ANKRD30A: variants seen among roughly 807,000 people sequenced by gnomAD.
ANKRD30A encodes ankyrin repeat domain-containing protein 30A.
A neutral mutation model predicts 166.3 loss-of-function variants in ANKRD30A; 170 were observed. The ratio of observed to expected loss-of-function variants is 1.02; its 90% CI spans 0.90 to 1.16. ANKRD30A has a LOEUF of 1.16. Ranked by LOEUF, ANKRD30A falls within the 50% of genes most tolerant of loss-of-function variation. The pLI is 0.00. For missense variants in ANKRD30A, 1,630 were observed against 1,518.0 expected (o/e 1.07, Z -1.23); for synonymous variants, 564 against 508.9 (o/e 1.11, Z -1.46).
At chr10:37,148,192 C>A (rs551499944) in intron 9 of ANKRD30A, among the ~76,000 whole-genome samples, 2 of 152,144 alleles carry the variant, frequency 1.3e-5, no homozygotes, top group East Asian at 1.9e-4. Context: ...GTACTTGGAG[C>A]TCATTCTGAG....
chr10:37,158,488 A>G (rs372098693), intron 14 of ANKRD30A, 26 bp from the exon 15 acceptor site: 1 of 1,613,242 alleles, frequency 6.2e-7, no homozygotes. Flanking sequence ...TTGTATATTA[A>G]TTGTTTTGTT....
At chr10:37,206,001 A>G (rs2132707539) in intron 31 of ANKRD30A, among the ~76,000 whole-genome samples, 1 of 152,310 alleles carries the variant, frequency 6.6e-6, no homozygotes, top group South Asian at 2.1e-4. Context: ...ATATCTGAGT[A>G]TGTTTTTAGC....
intron 24 of ANKRD30A, among the ~76,000 whole-genome samples, chr10:37,183,106 C>T (rs1231246922): frequency 6.7e-6 from 1 of 149,230 alleles, no homozygotes; most frequent in South Asian, 2.2e-4. Flanking sequence ...GCTGATATCA[C>T]AGAGCTTTTA....
intron 31 of ANKRD30A, among the ~76,000 whole-genome samples, chr10:37,208,426 G>T (rs1487312525): frequency 6.6e-6 from 1 of 152,090 alleles, no homozygotes; most frequent in African/African-American, 2.4e-5. Flanking sequence ...GTAAAACAAA[G>T]ACAAAGCATA....
At chr10:37,190,523 A>G (rs1840463249) in intron 25 of ANKRD30A, among the ~76,000 whole-genome samples, 1 of 151,848 alleles carries the variant, frequency 6.6e-6, no homozygotes, top group Non-Finnish European at 1.5e-5. Flanking sequence ...GGAAAAAATA[A>G]TGTTAACAGG....
In ANKRD30A at chr10:37,165,048, G is replaced by T. The variant is rs750883195; in HGVS notation, c.2003-46G>T. The T allele has an allele frequency of 2.6e-6, 4 of 1,560,376 alleles. 1 individual carries two copies. The highest frequency in any genetic ancestry group is 3.5e-6 in the Non-Finnish European group (4 of 1,133,132). On this transcript the variant is annotated intron_variant, in intron 17 of 35. Transcript: ENST00000361713. ...TTTGTATATGTTTTTAAAATTTTTA[G>T]TAGAGAACTGTGCTCATGAATGTAT...
chr10:37,160,912 C>G (rs955368311), intron 15 of ANKRD30A, among the ~76,000 whole-genome samples: 2 of 152,128 alleles, frequency 1.3e-5, no homozygotes, highest in Non-Finnish European at 2.9e-5. Context: ...TAATTGTCAA[C>G]CACATTACTT....
At chr10:37,247,697 C>T in the ANKRD30A span, among the ~76,000 whole-genome samples, 50 of 145,142 alleles carry the variant, frequency 3.4e-4, no homozygotes, top group African/African-American at 1.2e-3. Flanking sequence ...TGGTGAAACG[C>T]CGTCTCTACT....
chr10:37,220,571 G>A lies in ANKRD30A; in HGVS notation c.4185+674G>A, dbSNP rs545526902. 1.8e-3 allele frequency among the ~76,000 whole-genome samples: 273 copies of A among 150,954 alleles called. 1 individual carries two copies. The highest frequency in any genetic ancestry group is 6.8e-3 in the Middle Eastern group (2 of 294). On this transcript the variant is annotated intron_variant, in intron 34 of 35. Transcript: ENST00000361713. ...CTGTGTTTTATTAAATAATACCTTA[G>A]GACAAATGTAGTGAATTTTAGCAAT... is the stretch of plus-strand genomic sequence containing the variant.
At chr10:37,159,432 C>G (rs12769466) in intron 15 of ANKRD30A, among the ~76,000 whole-genome samples, 1 of 152,026 alleles carries the variant, frequency 6.6e-6, no homozygotes, top group Non-Finnish European at 1.5e-5. Flanking sequence ...GTGGGAGAAT[C>G]GCTTGAAACT....
chr10:37,154,608 G>C (rs114834268), intron 13 of ANKRD30A, among the ~76,000 whole-genome samples: 5 of 152,276 alleles, frequency 3.3e-5, no homozygotes, highest in African/African-American at 1.2e-4. Context: ...AAAGGAAAGA[G>C]TGGGAAAAAA....
chr10:37,224,409 A>G (rs1441529527), intron 34 of ANKRD30A, among the ~76,000 whole-genome samples: 4 of 150,836 alleles, frequency 2.7e-5, no homozygotes, highest in African/African-American at 9.7e-5. Context: ...GGTATCTCCC[A>G]TGCATATGTG....
intron 34 of ANKRD30A, among the ~76,000 whole-genome samples, chr10:37,226,941 G>A (rs981341975): frequency 2.6e-5 from 4 of 151,900 alleles, no homozygotes; most frequent in African/African-American, 9.6e-5. Flanking sequence ...ATTAAAACAT[G>A]CATCTTAGCC....
intron 15 of ANKRD30A, among the ~76,000 whole-genome samples, chr10:37,159,374 C>G (rs138337902): frequency 6.6e-6 from 1 of 152,062 alleles, no homozygotes; most frequent in South Asian, 2.1e-4. Context: ...AAAAAATAGC[C>G]GGTTGTGATG....
At position 37,125,857 on chromosome 10, in the gene ANKRD30A, C is replaced by A; in HGVS notation, c.70C>A (p.Leu24Ile). 1 of 1,350,162 alleles carries A rather than the reference C, an allele frequency of 7.4e-7. No individual in the cohort carries two copies. The highest frequency in any genetic ancestry group is 1.0e-6 in the Non-Finnish European group (1 of 956,594). The allele number at this position is 1,350,162 out of a possible 1,614,324, so 83.6% of individuals were successfully genotyped here. A position where few individuals can be genotyped will look rare whatever the true frequency, so the allele number is the denominator to read the frequency against. The stretch of plus-strand genomic sequence containing the variant: ...GGAGCGCCCGAGCCCTTTCAGCCAG[C>A]TAGTCTATACCAGCAACGACTCCTA... The part of the protein sequence containing the change: ...GPERPSPFSQ[L>I]VYTSNDSYIV... The change falls in exon 1 of 36, where the codon CTA (leucine) becomes ATA (isoleucine). Residue 24 changes from leucine (L) to isoleucine (I), a missense_variant. Physicochemically the swap from Leu to Ile is conservative, Grantham distance 5. Coordinates refer to ENST00000361713, the MANE Select transcript of ANKRD30A (RefSeq NM_052997.3).
At chr10:37,200,674 C>T (rs1333814468) in intron 30 of ANKRD30A, among the ~76,000 whole-genome samples, 2 of 152,024 alleles carry the variant, frequency 1.3e-5, no homozygotes, top group East Asian at 1.9e-4. Flanking sequence ...TTTTTATCAC[C>T]ATAAATTTTG....
intron 17 of ANKRD30A, among the ~76,000 whole-genome samples, chr10:37,163,083 A>G (rs1189520165): frequency 1.3e-5 from 2 of 151,748 alleles, no homozygotes; most frequent in Non-Finnish European, 2.9e-5. Context: ...GTATCCTGAA[A>G]CTGTAATGTT....
intron 34 of ANKRD30A, among the ~76,000 whole-genome samples, chr10:37,229,222 A>G (rs1028933292): frequency 2.0e-5 from 3 of 151,964 alleles, no homozygotes; most frequent in African/African-American, 7.2e-5. Flanking sequence ...AAGGCTCTCT[A>G]TCTCAAACTG....
chr10:37,141,051 T>G (rs191852002), intron 6 of ANKRD30A, among the ~76,000 whole-genome samples: 7 of 152,338 alleles, frequency 4.6e-5, no homozygotes, highest in Admixed American at 2.0e-4. Flanking sequence ...AGCATCTTCC[T>G]TGTTATTATA....
Sources: gnomAD v4.1 joint callset for allele counts (sites outside exome capture counted in the v4.1 genomes callset) on GRCh38, gnomAD v4.1.1 for gene constraint, MANE v1.5 for transcripts, NCBI Gene and HGNC (gene_info 2026-07-23, HGNC 2026-07-21) for gene names.